LYPD6B: variants seen among roughly 807,000 people sequenced by gnomAD.
LYPD6B encodes the protein ly6/PLAUR domain-containing protein 6B.
A neutral mutation model predicts 22.8 loss-of-function variants in LYPD6B; 17 were observed. The ratio of observed to expected loss-of-function variants is 0.75; its 90% CI spans 0.51 to 1.12. The LOEUF (loss-of-function observed/expected upper bound fraction) is 1.12, where lower values mean the gene tolerates loss of function less well. Among genes scored for constraint, LYPD6B ranks in the 50% most tolerant of loss-of-function variants. LYPD6B has a pLI of 0.00. For synonymous variants in LYPD6B, 106 were observed against 91.6 expected (o/e 1.16, Z -0.90); for missense variants, 221 against 258.3 (o/e 0.86, Z 0.99).
chr2:149,042,049 G>A (rs1683110858), intron 1 of LYPD6B, among the ~76,000 whole-genome samples: 1 of 152,202 alleles, frequency 6.6e-6, no homozygotes, highest in African/African-American at 2.4e-5. Flanking sequence ...GAAACTCCCT[G>A]TCCCTCTCTT....
intron 3 of LYPD6B, among the ~76,000 whole-genome samples, chr2:149,163,725 A>G (rs1203534688): frequency 6.6e-6 from 1 of 152,170 alleles, no homozygotes; most frequent in Non-Finnish European, 1.5e-5. Flanking sequence ...CCTGGAGTGA[A>G]GTAACCTTTT....
chr2:149,058,531 A>G (rs1414336789), intron 1 of LYPD6B, among the ~76,000 whole-genome samples: 1 of 152,242 alleles, frequency 6.6e-6, no homozygotes, highest in Non-Finnish European at 1.5e-5. Flanking sequence ...AACACTGCTC[A>G]TTAGTGATTA....
chr2:149,169,896 C>T (rs1053369194), intron 3 of LYPD6B, among the ~76,000 whole-genome samples: 10 of 152,182 alleles, frequency 6.6e-5, no homozygotes, highest in African/African-American at 2.4e-4. Flanking sequence ...ATCATTACCA[C>T]TCCCCCTGAG....
chr2:149,067,563 G>GTT lies in LYPD6B; in HGVS notation c.-67+28771_-67+28772dup, dbSNP rs138223442. ...TCTGTGTATAATTTTTTAAAACTTT[G>GTT]TTTTTTTTTTCTGATTGTAGGCATT... is the stretch of plus-strand genomic sequence containing the variant. On this transcript the variant is annotated intron_variant, in intron 1 of 6. Transcript: ENST00000409642. Among the ~76,000 whole-genome samples, 545 of 146,234 alleles carry GTT rather than the reference G, an allele frequency of 3.7e-3. 3 individuals carry two copies. Among genetic ancestry groups the GTT allele is most frequent in the African/African-American group, 0.013 (507 of 40,238 alleles).
chr2:149,148,285 T>C (rs1433889152), intron 2 of LYPD6B, among the ~76,000 whole-genome samples: 6 of 152,182 alleles, frequency 3.9e-5, no homozygotes, highest in Non-Finnish European at 8.8e-5. Context: ...ATGCAGGACT[T>C]CACAGTTGGA....
At chr2:149,086,580 A>C (rs1162351056) in intron 1 of LYPD6B, among the ~76,000 whole-genome samples, 1 of 152,206 alleles carries the variant, frequency 6.6e-6, no homozygotes, top group African/African-American at 2.4e-5. Context: ...ACAAAGGGTA[A>C]GGGGTGATAC....
intron 1 of LYPD6B, among the ~76,000 whole-genome samples, chr2:149,091,684 T>C (rs1167238951): frequency 6.6e-6 from 1 of 152,118 alleles, no homozygotes; most frequent in Non-Finnish European, 1.5e-5. Flanking sequence ...CAGTCCAGTT[T>C]ATATTCTTCT....
chr2:149,145,410 C>A (rs543387521), intron 2 of LYPD6B, among the ~76,000 whole-genome samples: 2 of 152,172 alleles, frequency 1.3e-5, no homozygotes, highest in African/African-American at 4.8e-5. Flanking sequence ...TAACAGTTTA[C>A]TTGGAAGACA....
chr2:149,059,191 A>C (rs956869982), intron 1 of LYPD6B, among the ~76,000 whole-genome samples: 3 of 152,190 alleles, frequency 2.0e-5, no homozygotes, highest in Admixed American at 2.0e-4. Flanking sequence ...CCTGTTAAGT[A>C]AGTCTTTTCG....
At chr2:149,076,771 G>GA (rs1175471910) in intron 1 of LYPD6B, among the ~76,000 whole-genome samples, 4 of 152,254 alleles carry the variant, frequency 2.6e-5, no homozygotes, top group Middle Eastern at 6.8e-3. Flanking sequence ...AAGGTAGAGG[G>GA]AAAAAATCAT....
chr2:149,116,995 T>A (rs1687038635), intron 1 of LYPD6B, among the ~76,000 whole-genome samples: 1 of 152,112 alleles, frequency 6.6e-6, no homozygotes, highest in African/African-American at 2.4e-5. Flanking sequence ...ATCTAAATAC[T>A]CTAGTGCCCT....
chr2:149,208,970 G>T (rs1693673633), intron 5 of LYPD6B, among the ~76,000 whole-genome samples: 1 of 151,644 alleles, frequency 6.6e-6, no homozygotes, highest in Non-Finnish European at 1.5e-5. Flanking sequence ...CTGCCACGTG[G>T]AGATCTGTGG....
chr2:149,108,596 G>T (rs988805945), intron 1 of LYPD6B, among the ~76,000 whole-genome samples: 2 of 152,116 alleles, frequency 1.3e-5, no homozygotes, highest in African/African-American at 4.8e-5. Flanking sequence ...TACGTTTAAA[G>T]TGTGTTTCCT....
chr2:149,188,963 T>G (rs747528274), intron 3 of LYPD6B, among the ~76,000 whole-genome samples: 1 of 152,184 alleles, frequency 6.6e-6, no homozygotes, highest in Non-Finnish European at 1.5e-5. Flanking sequence ...TGATTCTACA[T>G]GTAAGGAAAC....
intron 3 of LYPD6B, among the ~76,000 whole-genome samples, chr2:149,185,473 G>A (rs1181801735): frequency 6.6e-6 from 1 of 152,100 alleles, no homozygotes; most frequent in East Asian, 1.9e-4. Context: ...TGGCATAGGT[G>A]GTTTTAGTGG....
intron 3 of LYPD6B, 24 bp from the exon 4 acceptor site, chr2:149,205,229 A>G (rs1693430444): frequency 6.3e-7 from 1 of 1,588,460 alleles, no homozygotes; most frequent in Non-Finnish European, 8.5e-7. Flanking sequence ...AAAGAAACTG[A>G]ACCAGTGTGT....
intron 3 of LYPD6B, among the ~76,000 whole-genome samples, chr2:149,204,023 C>T (rs992973954): frequency 5.9e-5 from 9 of 152,084 alleles, no homozygotes; most frequent in African/African-American, 2.2e-4. Flanking sequence ...GAAATATTCC[C>T]TAAACCCATT....
At chr2:149,096,208 A>G (rs1685897606) in intron 1 of LYPD6B, among the ~76,000 whole-genome samples, 1 of 152,172 alleles carries the variant, frequency 6.6e-6, no homozygotes, top group Non-Finnish European at 1.5e-5. Flanking sequence ...ACTGAGACAC[A>G]GAGAGAAAAA....
intron 1 of LYPD6B, among the ~76,000 whole-genome samples, chr2:149,096,810 G>A (rs1685923706): frequency 6.6e-6 from 1 of 152,092 alleles, no homozygotes; most frequent in Non-Finnish European, 1.5e-5. Flanking sequence ...AAGAGCAGAA[G>A]GGAACAAACA....
Sources: allele counts gnomAD v4.1 joint callset (sites outside exome capture counted in the v4.1 genomes callset), GRCh38; gene constraint gnomAD v4.1.1; transcripts MANE v1.5; gene names NCBI Gene and HGNC (gene_info 2026-07-23, HGNC 2026-07-21).